BICD1: variants seen among roughly 807,000 people sequenced by gnomAD.
BICD1 encodes BICD cargo adaptor 1.
Under a neutral mutation model 92.5 loss-of-function variants are expected in BICD1, and 35 were observed. The observed-to-expected ratio is 0.38, with a 90% CI of 0.29 to 0.50. The LOEUF is 0.50. Ranked by LOEUF, BICD1 falls within the 20% of genes least tolerant of loss-of-function variation. BICD1 has a pLI of 0.93. For missense variants in BICD1, 950 were observed against 1,189.8 expected, an observed-to-expected ratio of 0.80 and a Z score of 2.97; for synonymous variants, 429 against 465.1, an observed-to-expected ratio of 0.92 and a Z score of 1.00.
intron 5 of BICD1, among the ~76,000 whole-genome samples, chr12:32,331,135 T>TA (rs200127433): frequency 1.4e-4 from 21 of 147,716 alleles, no homozygotes; most frequent in South Asian, 2.1e-4. Context: ...AAATCTGTCT[T>TA]AAAAAAAAAA....
At chr12:32,176,610 C>A (rs981303026) in intron 1 of BICD1, among the ~76,000 whole-genome samples, 3 of 152,184 alleles carry the variant, frequency 2.0e-5, no homozygotes, top group Non-Finnish European at 4.4e-5. Flanking sequence ...GTTTTGATTT[C>A]TATCATTGTA....
chr12:32,315,862 G>A (rs182192364), intron 4 of BICD1, among the ~76,000 whole-genome samples: 193 of 152,188 alleles, frequency 1.3e-3, no homozygotes, highest in Non-Finnish European at 2.2e-3. Flanking sequence ...GGGGCTGGGC[G>A]TGGTGGCTCA....
chr12:32,371,425 T>G (rs1446319098), intron 9 of BICD1, among the ~76,000 whole-genome samples: 1 of 152,220 alleles, frequency 6.6e-6, no homozygotes, highest in African/African-American at 2.4e-5. Context: ...GCAGAAAAGT[T>G]AACACATAGC....
intron 1 of BICD1, among the ~76,000 whole-genome samples, chr12:32,172,673 A>G (rs994399482): frequency 6.6e-6 from 1 of 152,088 alleles, no homozygotes; most frequent in Non-Finnish European, 1.5e-5. Flanking sequence ...CAGGGTTTTT[A>G]TGAATGGTCA....
chr12:32,301,553 T>C (rs1411802408), intron 3 of BICD1, among the ~76,000 whole-genome samples: 1 of 151,898 alleles, frequency 6.6e-6, no homozygotes, highest in Non-Finnish European at 1.5e-5. Flanking sequence ...GGTGGAAGGA[T>C]TGCTTCGGTC....
rs76495999 is a variant in BICD1, at chr12:32,297,178, T to C, written c.579+3032T>C. Among the ~76,000 whole-genome samples the C allele has an allele frequency of 7.0e-4, 107 of 152,268 alleles. No individual in the cohort carries two copies. In the East Asian group the frequency reaches 0.019, roughly 28 times the overall value. ...TCTTTATAGATGCTAGCATCTATCA[T>C]AAACTCTCTCTAATCAATAAAGTTT... On this transcript the variant is annotated intron_variant, in intron 3 of 9. Coordinates refer to ENST00000652176, the MANE Select transcript of BICD1 (RefSeq NM_001714.4).
intron 2 of BICD1, among the ~76,000 whole-genome samples, chr12:32,246,453 C>G (rs941484208): frequency 2.1e-4 from 32 of 151,840 alleles, no homozygotes; most frequent in African/African-American, 7.5e-4. Flanking sequence ...GCCTGGACAA[C>G]ATAGTAGGAC....
chr12:32,116,462 GTCTCTC>G (rs1173406919), intron 1 of BICD1, among the ~76,000 whole-genome samples: 25 of 91,650 alleles, frequency 2.7e-4, no homozygotes, highest in East Asian at 1.4e-3. Context: ...CTGTCTGTCT[GTCTCTC>G]TCTCTCTCTC....
At chr12:32,192,459 T>TAAATAAATAAATAAATAAAC (rs1944601416) in intron 1 of BICD1, among the ~76,000 whole-genome samples, 2 of 145,520 alleles carry the variant, frequency 1.4e-5, no homozygotes, top group African/African-American at 5.5e-5. Flanking sequence ...AATAAATAGA[T>TAAATAAATAAATAAATAAAC]AGATAGATAG....
rs1946931332 is a variant in BICD1, at chr12:32,264,143, T to C, written c.427-29851T>C. ...TCTATAAAATTGTGATATTAATACC[T>C]ATCTCACAATGCTGTTGTGAGGAGT... On this transcript the variant is annotated intron_variant, in intron 2 of 9. Transcript: ENST00000652176. 2.0e-5 allele frequency among the ~76,000 whole-genome samples: 3 copies of C among 152,366 alleles called. No individual in the cohort carries two copies. In the East Asian group the frequency reaches 5.8e-4, roughly 29 times the overall value.
chr12:32,139,867 A>G (rs1421435642), intron 1 of BICD1, among the ~76,000 whole-genome samples: 1 of 152,158 alleles, frequency 6.6e-6, no homozygotes, highest in Non-Finnish European at 1.5e-5. Flanking sequence ...GCCTGGGCAC[A>G]GAGTTAAAAA....
intron 4 of BICD1, among the ~76,000 whole-genome samples, chr12:32,324,545 T>C (rs1948731466): frequency 6.7e-6 from 1 of 150,074 alleles, no homozygotes; most frequent in South Asian, 2.1e-4. Context: ...TTTTCATCCT[T>C]TTTGCAACTA....
At chr12:32,162,482 A>G (rs1360736907) in intron 1 of BICD1, among the ~76,000 whole-genome samples, 2 of 152,174 alleles carry the variant, frequency 1.3e-5, no homozygotes, top group African/African-American at 2.4e-5. Flanking sequence ...TTCCACCTCT[A>G]TGGGAATCCA....
In BICD1 at chr12:32,211,761, T is replaced by C. The variant is rs142557601; in HGVS notation, c.214-4486T>C. On this transcript the variant is annotated intron_variant, in intron 1 of 9. Coordinates refer to ENST00000652176, the MANE Select transcript of BICD1 (RefSeq NM_001714.4). ...ACACACAGTTCATGCTAATTTTAAA[T>C]TGTACTAATACTTGACTATATAGTG... 4.1e-3 allele frequency among the ~76,000 whole-genome samples: 629 copies of C among 151,696 alleles called. 6 individuals are homozygous for C. The highest frequency in any genetic ancestry group is 0.015 in the African/African-American group (600 of 41,318).
chr12:32,366,340 C>A (rs1471348785), intron 8 of BICD1, among the ~76,000 whole-genome samples: 2 of 152,192 alleles, frequency 1.3e-5, no homozygotes, highest in Non-Finnish European at 2.9e-5. Flanking sequence ...TATAAGGAGG[C>A]CGGGTGCAGT....
At chr12:32,258,315 A>G (rs935319362) in intron 2 of BICD1, among the ~76,000 whole-genome samples, 12 of 152,198 alleles carry the variant, frequency 7.9e-5, no homozygotes, top group Non-Finnish European at 1.5e-4. Context: ...GTGATATTGT[A>G]CTATGGTTTC....
intron 1 of BICD1, among the ~76,000 whole-genome samples, chr12:32,171,348 G>A (rs1943930496): frequency 6.6e-6 from 1 of 152,222 alleles, no homozygotes; most frequent in Non-Finnish European, 1.5e-5. Context: ...GCGATGCTGT[G>A]GGACCTGGAA....
In BICD1 at chr12:32,319,954, T is replaced by C. The variant is rs370896398; in HGVS notation, c.1006-7507T>C. 5.9e-5 allele frequency among the ~76,000 whole-genome samples: 9 copies of C among 152,310 alleles called. No individual in the cohort carries two copies. The South Asian group carries it at 1.9e-3, about 32-fold the overall frequency. On this transcript the variant is annotated intron_variant, in intron 4 of 9. Coordinates refer to ENST00000652176, the MANE Select transcript of BICD1 (RefSeq NM_001714.4). ...CAGTTGACTGACTTTTGTGTGTTAG[T>C]GTGCATGAATTTTCTTTTCACCACA...
rs374835621 is a variant in BICD1 at position 32,339,299 on chromosome 12, A to C, written c.2764+320A>C. On this transcript the variant is annotated intron_variant, in intron 8 of 9. Coordinates refer to ENST00000652176, the MANE Select transcript of BICD1 (RefSeq NM_001714.4). ...ATTTGCAGTTTGGTAGCTCATGGCGATTCCATCTTGGTCAGATTTGGCCAG... is the reference window on the plus strand; with the variant it reads ...ATTTGCAGTTTGGTAGCTCATGGCGCTTCCATCTTGGTCAGATTTGGCCAG... 19 of 1,041,704 alleles carry C rather than the reference A, an allele frequency of 1.8e-5. No homozygotes were observed. In the East Asian group the frequency reaches 4.2e-4, roughly 23 times the overall value. The allele number at this position is 1,041,704 out of a possible 1,614,324, so 64.5% of individuals were successfully genotyped here. A position where few individuals can be genotyped will look rare whatever the true frequency, so the allele number is the denominator to read the frequency against.
Sources: allele counts gnomAD v4.1 joint callset (sites outside exome capture counted in the v4.1 genomes callset), GRCh38; gene constraint gnomAD v4.1.1; transcripts MANE v1.5; gene names NCBI Gene and HGNC (gene_info 2026-07-23, HGNC 2026-07-21).